The following WNT3 variants were observed in gnomAD, a reference collection of about 807,000 sequenced individuals.
WNT3 encodes proto-oncogene Wnt-3.
WNT3 carries 7 observed loss-of-function variants against 34.2 expected under a neutral mutation model. The observed-to-expected ratio is 0.20, with a 90% CI of 0.12 to 0.38. The LOEUF (loss-of-function observed/expected upper bound fraction) is 0.38, where lower values mean the gene tolerates loss of function less well. Ranked by LOEUF, WNT3 falls within the 10% of genes least tolerant of loss-of-function variation. WNT3 has a pLI of 1.00. For missense variants in WNT3, 267 were observed against 499.8 expected, an observed-to-expected ratio of 0.53 and a Z score of 4.44; for synonymous variants, 212 against 211.5, an observed-to-expected ratio of 1.00 and a Z score of -0.02.
Position 46,783,480 on chromosome 17 carries a change from G to A in WNT3, c.81-9571C>T, listed in dbSNP as rs111986713. On this transcript the variant is annotated intron_variant, in intron 1 of 4. Coordinates refer to ENST00000225512, the MANE Select transcript of WNT3 (RefSeq NM_030753.5). ...GGAGATTAATGAAGCCACACCTGAG[G>A]AGCACCCAGCCCAGGAGGCTGCTGT... Among the ~76,000 whole-genome samples the A allele has an allele frequency of 6.3e-3, 964 of 152,356 alleles. 13 individuals are homozygous for A. The highest frequency in any genetic ancestry group is 0.02 in the African/African-American group (850 of 41,578).
intron 4 of WNT3, among the ~76,000 whole-genome samples, chr17:46,765,182 G>T (rs1484535069): frequency 6.6e-6 from 1 of 152,200 alleles, no homozygotes; most frequent in Non-Finnish European, 1.5e-5. Context: ...TCTTCTAGGG[G>T]GCTGACAAGG....
chr17:46,785,321 T>C (rs1278970526), intron 1 of WNT3, among the ~76,000 whole-genome samples: 1 of 152,200 alleles, frequency 6.6e-6, no homozygotes, highest in Non-Finnish European at 1.5e-5. Flanking sequence ...TCACCCTGCA[T>C]TGTGTCACTA....
intron 4 of WNT3, among the ~76,000 whole-genome samples, chr17:46,765,398 A>C (rs1234657298): frequency 1.3e-5 from 2 of 152,234 alleles, no homozygotes; most frequent in African/African-American, 2.4e-5. Context: ...TAAGGCACCA[A>C]ATCAATGGTT....
At chr17:46,787,829 A>G (rs187661492) in intron 1 of WNT3, among the ~76,000 whole-genome samples, 203 of 152,178 alleles carry the variant, frequency 1.3e-3, no homozygotes, top group African/African-American at 3.5e-3. Flanking sequence ...GGTGGTGGGC[A>G]CCTGTAATCA....
intron 2 of WNT3, among the ~76,000 whole-genome samples, chr17:46,772,803 C>A (rs868526619): frequency 7.6e-6 from 1 of 131,794 alleles, no homozygotes; most frequent in African/African-American, 2.8e-5. Context: ...TTCACCTGAA[C>A]GTCAGATCCC....
At chr17:46,770,966 C>T (rs1028974396) in intron 2 of WNT3, among the ~76,000 whole-genome samples, 6 of 152,272 alleles carry the variant, frequency 3.9e-5, no homozygotes, top group African/African-American at 1.4e-4. Context: ...TGACTCGCCA[C>T]CTGACACAGG....
chr17:46,782,999 G>C (rs1388689510), intron 1 of WNT3, among the ~76,000 whole-genome samples: 4 of 152,176 alleles, frequency 2.6e-5, no homozygotes, highest in Non-Finnish European at 4.4e-5. Flanking sequence ...GGTGCCTCAG[G>C]GGGTGCCTTT....
intron 1 of WNT3, among the ~76,000 whole-genome samples, chr17:46,775,516 AG>A (rs1367926580): frequency 3.9e-5 from 6 of 152,096 alleles, no homozygotes; most frequent in Admixed American, 3.9e-4. Context: ...CTGAGGAGCC[AG>A]ATCTGGGAGT....
Position 46,773,653 on chromosome 17 carries a change from G to GC in WNT3, c.322+14dup. On this transcript the variant is annotated intron_variant, in intron 2 of 4. Coordinates refer to ENST00000225512, the MANE Select transcript of WNT3 (RefSeq NM_030753.5). ...CCACCCAGCCCCTCCCCCCCCCTCA[G>GC]CCCCAAGGCAGTACCTTTGTCGAGG... is the stretch of plus-strand genomic sequence containing the variant. 3.5e-6 allele frequency: 2 copies of GC among 573,250 alleles called. No homozygotes were observed. Among genetic ancestry groups the GC allele is most frequent in the Non-Finnish European group, 4.7e-6 (2 of 427,692 alleles). 35.5% of individuals were successfully genotyped at this position (573,250 alleles called of 1,614,324 possible). A position where few individuals can be genotyped will look rare whatever the true frequency, so the allele number is the denominator to read the frequency against.
chr17:46,787,233 G>C (rs1018986520), intron 1 of WNT3, among the ~76,000 whole-genome samples: 1 of 147,180 alleles, frequency 6.8e-6, no homozygotes, highest in South Asian at 2.1e-4. Context: ...GAGCCAGCGT[G>C]CCCAGCCAAT....
chr17:46,807,069 C>T (rs1306755158), intron 1 of WNT3, among the ~76,000 whole-genome samples: 3 of 152,124 alleles, frequency 2.0e-5, no homozygotes, highest in Non-Finnish European at 2.9e-5. Context: ...GAGACAGTCC[C>T]TAGAGGAAGA....
chr17:46,771,919 C>T (rs1177163927), intron 2 of WNT3, among the ~76,000 whole-genome samples: 4 of 145,208 alleles, frequency 2.8e-5, no homozygotes, highest in African/African-American at 9.9e-5. Flanking sequence ...TGGGGAAGCG[C>T]CTCGGGCCCG....
intron 1 of WNT3, among the ~76,000 whole-genome samples, chr17:46,775,636 CAG>C (rs1454170487): frequency 1.3e-4 from 16 of 119,146 alleles, no homozygotes; most frequent in South Asian, 2.7e-4. Flanking sequence ...TTTTTTGAGA[CAG>C]AGTCTCGCTG....
At chr17:46,810,652 T>A (rs1007449813) in intron 1 of WNT3, among the ~76,000 whole-genome samples, 15 of 152,094 alleles carry the variant, frequency 9.9e-5, no homozygotes, top group African/African-American at 2.7e-4. Context: ...TTTAGAGCTC[T>A]GCACCCCCCA....
intron 1 of WNT3, among the ~76,000 whole-genome samples, chr17:46,782,872 C>T (rs2059473716): frequency 6.6e-6 from 1 of 152,236 alleles, no homozygotes; most frequent in African/African-American, 2.4e-5. Flanking sequence ...CCTGCGGGTA[C>T]TGAGCACAGG....
chr17:46,779,653 T>C (rs998322366), intron 1 of WNT3, among the ~76,000 whole-genome samples: 6 of 152,194 alleles, frequency 3.9e-5, no homozygotes, highest in African/African-American at 1.4e-4. Context: ...TGCATGGCCT[T>C]ATCTAACTCC....
intron 1 of WNT3, among the ~76,000 whole-genome samples, chr17:46,802,898 A>G (rs1217665525): frequency 6.6e-6 from 1 of 152,032 alleles, no homozygotes; most frequent in African/African-American, 2.4e-5. Context: ...TCTGCGAGCC[A>G]CTCTAGCAAA....
chr17:46,779,053 T>TCACTCACA (rs1555683627), intron 1 of WNT3, among the ~76,000 whole-genome samples: 16 of 100,668 alleles, frequency 1.6e-4, no homozygotes, highest in Admixed American at 1.2e-3. Context: ...CCCTACCCCA[T>TCACTCACA]CACACACACA....
intron 1 of WNT3, among the ~76,000 whole-genome samples, chr17:46,817,027 G>A (rs1598804754): frequency 6.6e-6 from 1 of 152,200 alleles, no homozygotes; most frequent in East Asian, 1.9e-4. Context: ...CCCCGGAAAA[G>A]TGTGGGTTGG....
Sources: gnomAD v4.1 joint callset for allele counts (sites outside exome capture counted in the v4.1 genomes callset) on GRCh38, gnomAD v4.1.1 for gene constraint, MANE v1.5 for transcripts, NCBI Gene and HGNC (gene_info 2026-07-23, HGNC 2026-07-21) for gene names.